Variants in AOX1 observed in about 807,000 individuals in gnomAD.
AOX1 encodes the protein aldehyde oxidase.
Under a neutral mutation model 169.5 loss-of-function variants are expected in AOX1, and 153 were observed. The observed-to-expected ratio is 0.90, with a 90% CI of 0.79 to 1.03. The LOEUF (loss-of-function observed/expected upper bound fraction) is 1.03, where lower values mean the gene tolerates loss of function less well. Among genes scored for constraint, AOX1 ranks in the 50% least tolerant of loss-of-function variants. The pLI is 0.00. For synonymous variants in AOX1, 562 were observed against 581.9 expected (o/e 0.97, Z 0.49); for missense variants, 1,656 against 1,663.9 (o/e 1.00, Z 0.08).
chr2:200,608,386 T>G (rs2034559803), intron 10 of AOX1, among the ~76,000 whole-genome samples: 1 of 152,172 alleles, frequency 6.6e-6, no homozygotes, highest in Non-Finnish European at 1.5e-5. Context: ...AAAACCACAG[T>G]AGCGAGTTTA....
rs201250814 is a variant in AOX1 at position 200,670,656 on chromosome 2, G to A, written c.3994G>A (p.Val1332Ile). The stretch of plus-strand genomic sequence containing the variant: ...TCCGAGAGATGAACCTGGATCCTAC[G>A]TTCCTTGGAATGTACCCATCTGAAT... ...MIPRDEPGSY[V>I]PWNVPI Residue 1332 changes from valine to isoleucine, a missense_variant, in exon 35 of 35, where the codon GTT becomes ATT. Physicochemically the swap from Val to Ile is conservative, Grantham distance 29. Coordinates refer to ENST00000374700, the MANE Select transcript of AOX1 (RefSeq NM_001159.4). 2.5e-5 allele frequency: 40 copies of A among 1,612,560 alleles called. No homozygotes were observed. The African/African-American group carries it at 3.1e-4, about 12-fold the overall frequency.
In AOX1 at chr2:200,657,718, C is replaced by T. The variant is rs78624752; in HGVS notation, c.3171+781C>T. Among the ~76,000 whole-genome samples, 37 of 152,254 alleles carry T rather than the reference C, an allele frequency of 2.4e-4. No homozygotes were observed. In the East Asian group the frequency reaches 6.4e-3, roughly 26 times the overall value. Reference sequence around the variant, plus strand: ...TCAAACTTTATCTGTTTGCTTTTGGCTGTCTTATTTTAGATTAATTTTAAG... The same window carrying T: ...TCAAACTTTATCTGTTTGCTTTTGGTTGTCTTATTTTAGATTAATTTTAAG... On this transcript the variant is annotated intron_variant, in intron 27 of 34. Transcript: ENST00000374700.
At chr2:200,588,949 C>T (rs1375775715) in intron 1 of AOX1, among the ~76,000 whole-genome samples, 1 of 151,792 alleles carries the variant, frequency 6.6e-6, no homozygotes. Context: ...CCACTGTGCC[C>T]AGCCTAGCAT....
intron 30 of AOX1, 32 bp from the exon 31 acceptor site, chr2:200,662,823 G>T: frequency 6.4e-7 from 1 of 1,572,504 alleles, no homozygotes; most frequent in South Asian, 1.1e-5. Context: ...TAGGGGACGT[G>T]ATCACTTAAC....
In AOX1 at chr2:200,668,698, T is replaced by C. The variant is rs2035971352; in HGVS notation, c.3693T>C (p.Arg1231=). The part of the protein sequence containing the change: ...NYSPQGILHT[R]GPDQYKIPAI... ...CTCCCCAGGGCATTCTGCACACTCG[T>C]GGTCCAGACCAATATAAAATCCCTG... Residue 1231 remains arginine (R), a synonymous_variant, in exon 33 of 35, where the codon CGT becomes CGC. Coordinates refer to ENST00000374700, the MANE Select transcript of AOX1 (RefSeq NM_001159.4). The C allele has an allele frequency of 1.2e-5, 20 of 1,614,074 alleles. No homozygotes were observed. The highest frequency in any genetic ancestry group is 1.7e-5 in the Non-Finnish European group (20 of 1,180,018).
chr2:200,674,246 C>G (rs2036064570), downstream of AOX1, among the ~76,000 whole-genome samples: 1 of 152,196 alleles, frequency 6.6e-6, no homozygotes, highest in South Asian at 2.1e-4. Flanking sequence ...TACTTGGGTA[C>G]AATCCAGATA....
At chr2:200,672,958 C>T (rs908306469), downstream of AOX1, among the ~76,000 whole-genome samples, 12 of 152,170 alleles carry the variant, frequency 7.9e-5, no homozygotes, top group Non-Finnish European at 1.6e-4. Flanking sequence ...GGGACGGGGG[C>T]AGCCATGTAG....
Position 200,627,428 on chromosome 2 carries a change from G to A in AOX1, c.2200G>A (p.Val734Met). The change falls in exon 20 of 35, where the codon GTG (valine) becomes ATG (methionine). Residue 734 changes from valine to methionine, a missense_variant. Val to Met is a conservative substitution (Grantham distance 21). Coordinates refer to ENST00000374700, the MANE Select transcript of AOX1 (RefSeq NM_001159.4). ...EYGNVDEAFK[V>M]VDQILEGEIH... ...TGGAAATGTTGACGAAGCATTTAAAGTGGTTGATCAAATTCTTGAAGGTAA... is the reference window on the plus strand; with the variant it reads ...TGGAAATGTTGACGAAGCATTTAAAATGGTTGATCAAATTCTTGAAGGTAA... 1 of 1,613,424 alleles carries A rather than the reference G, an allele frequency of 6.2e-7. No individual in the cohort carries two copies. Among genetic ancestry groups the A allele is most frequent in the Non-Finnish European group, 8.5e-7 (1 of 1,179,394 alleles).
chr2:200,679,197 A>G (rs1258651942), downstream of AOX1: 1 of 152,246 alleles, frequency 6.6e-6, no homozygotes, highest in African/African-American at 2.4e-5. Flanking sequence ...AATTAATTAT[A>G]TTCATATCAA....
intron 16 of AOX1, among the ~76,000 whole-genome samples, chr2:200,619,943 C>T (rs2034847401): frequency 6.6e-6 from 1 of 152,022 alleles, no homozygotes. Context: ...ATGTATCGTG[C>T]TTATATAGAA....
In AOX1 at chr2:200,636,906, C is replaced by T; in HGVS notation, c.2347-5C>T. The T allele has an allele frequency of 6.2e-7, 1 of 1,613,428 alleles. No homozygotes were observed. Among genetic ancestry groups the T allele is most frequent in the Middle Eastern group, 1.7e-4 (1 of 6,058 alleles). On this transcript the variant is annotated splice_region_variant and splice_polypyrimidine_tract_variant and intron_variant, in intron 21 of 34. Coordinates refer to ENST00000374700, the MANE Select transcript of AOX1 (RefSeq NM_001159.4). ...CAGATTAATCAGAACTATTATTGTT[C>T]ACAGGACATTGTTGCCTCAACCTTG...
chr2:200,651,866 C>A (rs2035586762), intron 26 of AOX1, among the ~76,000 whole-genome samples: 1 of 152,142 alleles, frequency 6.6e-6, no homozygotes, highest in Non-Finnish European at 1.5e-5. Context: ...ATAAAACTTA[C>A]CCCTAACGGC....
intron 24 of AOX1, among the ~76,000 whole-genome samples, chr2:200,641,778 C>A (rs1046956704): frequency 9.9e-5 from 15 of 152,066 alleles, no homozygotes; most frequent in African/African-American, 3.4e-4. Context: ...AAGCAATCCT[C>A]CCATCTTAGC....
Position 200,609,320 on chromosome 2 carries a change from G to T in AOX1, c.1060-1G>T. Reference sequence around the variant, plus strand: ...TGAAAATAACTCATTATTTTTAAAAGTCTTTAGGGGGACACATCATTAGCA... The same window carrying T: ...TGAAAATAACTCATTATTTTTAAAATTCTTTAGGGGGACACATCATTAGCA... On this transcript the variant is annotated splice_acceptor_variant, in intron 11 of 34. Transcript: ENST00000374700. LOFTEE classifies it high-confidence loss of function. The T allele has an allele frequency of 1.2e-6, 2 of 1,613,512 alleles. No homozygotes were observed. Among genetic ancestry groups the T allele is most frequent in the Non-Finnish European group, 8.5e-7 (1 of 1,179,618 alleles).
chr2:200,648,474 G>A (rs1301641685), intron 25 of AOX1, among the ~76,000 whole-genome samples: 2 of 152,172 alleles, frequency 1.3e-5, no homozygotes, highest in African/African-American at 2.4e-5. Context: ...GGATACCAGT[G>A]CCTGTTCCGG....
At chr2:200,679,664 C>A (rs1184574413), downstream of AOX1, among the ~76,000 whole-genome samples, 1 of 152,078 alleles carries the variant, frequency 6.6e-6, no homozygotes, top group Non-Finnish European at 1.5e-5. Context: ...ACGCCCCCCC[C>A]CGAGTCTGTC....
chr2:200,673,999 T>A (rs549091465), downstream of AOX1, among the ~76,000 whole-genome samples: 5 of 152,220 alleles, frequency 3.3e-5, no homozygotes, highest in South Asian at 1.0e-3. Context: ...AGTCGTAAGA[T>A]CAGGCAAGCA....
chr2:200,641,701 T>G (rs913286281), intron 24 of AOX1, among the ~76,000 whole-genome samples: 1 of 151,962 alleles, frequency 6.6e-6, no homozygotes, highest in Non-Finnish European at 1.5e-5. Flanking sequence ...CTAATTTTTT[T>G]TTATTATTAT....
chr2:200,668,822 G>A lies in AOX1; in HGVS notation c.3798+19G>A, dbSNP rs377368929. 6.2e-6 allele frequency: 10 copies of A among 1,603,966 alleles called. No individual in the cohort carries two copies. The African/African-American group carries it at 1.1e-4, about 17-fold the overall frequency. On this transcript the variant is annotated intron_variant, in intron 33 of 34. Transcript: ENST00000374700. ...ATCTAAGGTAAGTAATGTTCTATGG[G>A]TAAATATGCATGTTTATATGATACC...
Sources: gnomAD v4.1 joint callset for allele counts (sites outside exome capture counted in the v4.1 genomes callset) on GRCh38, gnomAD v4.1.1 for gene constraint, MANE v1.5 for transcripts, NCBI Gene and HGNC (gene_info 2026-07-23, HGNC 2026-07-21) for gene names.